Variants in DLGAP2 observed in about 807,000 individuals in gnomAD.
DLGAP2 encodes disks large-associated protein 2.
A neutral mutation model predicts 100.3 loss-of-function variants in DLGAP2; 26 were observed. That is an observed-to-expected ratio of 0.26 (90% confidence interval 0.19 to 0.36). The LOEUF (loss-of-function observed/expected upper bound fraction) is 0.36. Ranked by LOEUF, DLGAP2 falls within the 10% of genes least tolerant of loss-of-function variation. The probability of loss-of-function intolerance (pLI) is 1.00; values close to 1 mark genes in which losing one functional copy is unlikely to be tolerated. For missense variants in DLGAP2, 1,858 were observed against 1,453.2 expected (o/e 1.28, Z -4.53); for synonymous variants, 886 against 630.1 (o/e 1.41, Z -6.08).
chr8:818,855 A>G (rs1376226259), intron 1 of DLGAP2, among the ~76,000 whole-genome samples: 1 of 152,222 alleles, frequency 6.6e-6, no homozygotes, highest in Non-Finnish European at 1.5e-5. Context: ...AAGATAAATG[A>G]TTTGTTTTCT....
chr8:1,023,851 T>C (rs1323647182), intron 2 of DLGAP2, among the ~76,000 whole-genome samples: 1 of 71,172 alleles, frequency 1.4e-5, no homozygotes, highest in Non-Finnish European at 3.3e-5. Flanking sequence ...TGCTCAAACT[T>C]TATATATGTG....
intron 1 of DLGAP2, among the ~76,000 whole-genome samples, chr8:823,160 T>C (rs1796618286): frequency 6.6e-6 from 1 of 152,102 alleles, no homozygotes; most frequent in African/African-American, 2.4e-5. Flanking sequence ...AGAGTTCCGA[T>C]ACTTTCTCTA....
chr8:907,192 G>C lies in DLGAP2; in HGVS notation c.19-720G>C, dbSNP rs75338305. The stretch of plus-strand genomic sequence containing the variant: ...AGATGCTGTCTTCATGGAGGGTTGA[G>C]GAATGGCTGCAAGTTCATCGTGTGG... On this transcript the variant is annotated intron_variant, in intron 1 of 14. Coordinates refer to ENST00000637795, the MANE Select transcript of DLGAP2 (RefSeq NM_001346810.2). 1.6e-3 allele frequency among the ~76,000 whole-genome samples: 239 copies of C among 152,326 alleles called. 1 individual carries two copies. The highest frequency in any genetic ancestry group is 5.5e-3 in the African/African-American group (228 of 41,564).
intron 3 of DLGAP2, among the ~76,000 whole-genome samples, chr8:1,299,535 A>G (rs1800280490): frequency 6.6e-6 from 1 of 152,226 alleles, no homozygotes; most frequent in African/African-American, 2.4e-5. Context: ...GTCCATGCCA[A>G]CTGCAACTCG....
chr8:1,186,266 G>A (rs1347904981), intron 2 of DLGAP2, among the ~76,000 whole-genome samples: 4 of 152,250 alleles, frequency 2.6e-5, no homozygotes, highest in Admixed American at 1.3e-4. Context: ...CTAGAGGGCC[G>A]AGCATCTGCG....
intron 2 of DLGAP2, among the ~76,000 whole-genome samples, chr8:1,084,195 A>G (rs1276298241): frequency 6.6e-6 from 1 of 152,228 alleles, no homozygotes; most frequent in East Asian, 1.9e-4. Flanking sequence ...TAGTCTGTCA[A>G]ACTACCAAGA....
At chr8:1,442,515 C>T (rs1019310612) in intron 3 of DLGAP2, among the ~76,000 whole-genome samples, 10 of 144,530 alleles carry the variant, frequency 6.9e-5, no homozygotes, top group Admixed American at 3.5e-4. Flanking sequence ...GGCATAGACC[C>T]GCCAGGCTGC....
intron 2 of DLGAP2, among the ~76,000 whole-genome samples, chr8:1,048,728 C>T (rs1166514529): frequency 2.6e-5 from 4 of 151,894 alleles, no homozygotes; most frequent in Non-Finnish European, 5.9e-5. Flanking sequence ...ACTGGGGCTG[C>T]GGTGGGCCTA....
Position 1,701,215 on chromosome 8 carries a change from C to A in DLGAP2, c.2977C>A (p.Pro993Thr). Residue 993 changes from proline (P) to threonine (T), a missense_variant, in exon 15 of 15, where the codon CCA (proline) becomes ACA (threonine). Pro to Thr is a conservative substitution (Grantham distance 38). Transcript: ENST00000637795. ...AGAAAGAAAGGTCCCGCCTCCAATA[C>A]CAAAGAAGCCTCCCAAGGGGAAGTT... Reference protein sequence around the residue: ...KEERKVPPPIPKKPPKGKFPI... With the variant: ...KEERKVPPPITKKPPKGKFPI... The A allele has an allele frequency of 6.4e-7, 1 of 1,571,964 alleles. No homozygotes were observed. Among genetic ancestry groups the A allele is most frequent in the Admixed American group, 1.9e-5 (1 of 53,490 alleles).
intron 3 of DLGAP2, among the ~76,000 whole-genome samples, chr8:1,339,962 T>C (rs1801381299): frequency 6.6e-6 from 1 of 152,246 alleles, no homozygotes; most frequent in Non-Finnish European, 1.5e-5. Context: ...TGCTTAAATG[T>C]ACATGAGAAA....
intron 2 of DLGAP2, among the ~76,000 whole-genome samples, chr8:1,026,303 G>A (rs78032224): frequency 0.02 from 3,094 of 152,230 alleles, 99 homozygotes; most frequent in African/African-American, 0.071. Context: ...CCAACGCTTT[G>A]CTCTTCACGT....
In DLGAP2 at chr8:1,637,020, G is replaced by C. The variant is rs564983097; in HGVS notation, c.1810+3974G>C. 1.0e-3 allele frequency among the ~76,000 whole-genome samples: 158 copies of C among 152,358 alleles called. 1 individual carries two copies. The highest frequency in any genetic ancestry group is 3.7e-3 in the African/African-American group (153 of 41,590). ...GAGTGCGCAGCACCCCAGGTTGGAG[G>C]GAGGAGGTGCACCCCAGAGGAGGAA... On this transcript the variant is annotated intron_variant, in intron 8 of 14. Transcript: ENST00000637795.
chr8:903,654 G>T (rs1057472127), intron 1 of DLGAP2, among the ~76,000 whole-genome samples: 1 of 152,062 alleles, frequency 6.6e-6, no homozygotes, highest in Non-Finnish European at 1.5e-5. Flanking sequence ...TTAGTGACTT[G>T]GTGAATGGCA....
intron 4 of DLGAP2, among the ~76,000 whole-genome samples, chr8:1,523,360 G>A (rs904959645): frequency 3.9e-4 from 60 of 152,322 alleles, no homozygotes; most frequent in East Asian, 3.9e-4. Context: ...CCCACCCCGC[G>A]CCTCACAGCA....
chr8:1,103,813 T>C (rs116062915), intron 2 of DLGAP2, among the ~76,000 whole-genome samples: 8,524 of 147,570 alleles, frequency 0.058, 878 homozygotes, highest in African/African-American at 0.2. Flanking sequence ...CGGTGATGAC[T>C]GGCAGGTGTC....
chr8:1,199,563 G>T (rs1415714769), intron 2 of DLGAP2, among the ~76,000 whole-genome samples: 1 of 152,184 alleles, frequency 6.6e-6, no homozygotes, highest in Admixed American at 6.5e-5. Context: ...TCAGCAGTTG[G>T]CTTCAGAAAA....
intron 2 of DLGAP2, among the ~76,000 whole-genome samples, chr8:1,046,443 A>T (rs1802517577): frequency 6.6e-6 from 1 of 152,094 alleles, no homozygotes; most frequent in African/African-American, 2.4e-5. Flanking sequence ...GCAGGGGTGG[A>T]TGTGTACATG....
intron 3 of DLGAP2, among the ~76,000 whole-genome samples, chr8:1,416,155 G>T (rs1372293322): frequency 6.6e-6 from 1 of 152,204 alleles, no homozygotes; most frequent in African/African-American, 2.4e-5. Context: ...TCAGTGCTCA[G>T]TTTGGACGTG....
At chr8:1,170,455 A>G (rs923833473) in intron 2 of DLGAP2, among the ~76,000 whole-genome samples, 12 of 152,162 alleles carry the variant, frequency 7.9e-5, no homozygotes, top group East Asian at 3.8e-4. Flanking sequence ...TTCAGAAGCA[A>G]TGGTACCAGT....
Sources: gnomAD v4.1 joint callset for allele counts (sites outside exome capture counted in the v4.1 genomes callset) on GRCh38, gnomAD v4.1.1 for gene constraint, MANE v1.5 for transcripts, NCBI Gene and HGNC (gene_info 2026-07-23, HGNC 2026-07-21) for gene names.